The following TRPM3 variants were observed in gnomAD, a reference collection of about 807,000 sequenced individuals.
TRPM3 encodes the protein transient receptor potential cation channel subfamily M member 3.
TRPM3 carries 77 observed loss-of-function variants against 181.2 expected under a neutral mutation model. That is an observed-to-expected ratio of 0.42 (90% CI 0.35 to 0.51). The LOEUF (loss-of-function observed/expected upper bound fraction) is 0.51. Ranked by LOEUF, TRPM3 falls within the 20% of genes least tolerant of loss-of-function variation. TRPM3 has a pLI of 0.01. For missense variants in TRPM3, 1,759 were observed against 2,196.7 expected (o/e 0.80, Z 3.98); for synonymous variants, 745 against 796.4 (o/e 0.94, Z 1.09).
At chr9:71,164,733 G>A (rs530791636) in intron 1 of TRPM3, among the ~76,000 whole-genome samples, 12 of 152,234 alleles carry the variant, frequency 7.9e-5, no homozygotes, top group African/African-American at 2.6e-4. Flanking sequence ...GATAGTATTT[G>A]AGATTACATA....
At chr9:70,627,473 A>G (rs933824147) in intron 12 of TRPM3, among the ~76,000 whole-genome samples, 4 of 151,954 alleles carry the variant, frequency 2.6e-5, no homozygotes, top group Admixed American at 6.6e-5. Flanking sequence ...GGGTTTTGCC[A>G]TGTTGGCCAG....
chr9:71,180,532 C>G (rs555840183), intron 1 of TRPM3, among the ~76,000 whole-genome samples: 1 of 152,088 alleles, frequency 6.6e-6, no homozygotes, highest in South Asian at 2.1e-4. Context: ...CATGGGAACC[C>G]AAAACAAACA....
rs150956683 is a variant in TRPM3 at position 70,923,607 on chromosome 9, T to C, written c.178-59096A>G. 2.5e-3 allele frequency among the ~76,000 whole-genome samples: 384 copies of C among 152,186 alleles called. 1 individual carries two copies. The highest frequency in any genetic ancestry group is 9.0e-3 in the African/African-American group (372 of 41,538). On this transcript the variant is annotated intron_variant, in intron 1 of 25. Transcript: ENST00000677713. ...TGCCTAGATTCCTAAGGGTCATGTG[T>C]CAGAAAATCTTTGTATTTCCTATGA...
At position 70,534,667 on chromosome 9, in the gene TRPM3, G is replaced by C. The variant is rs1051205282; in HGVS notation, c.*1286C>G. ...TGGTATGCTTGCAACTGATGGCTTTGGGTTGATACCAAACTCCCAGTCAAA... is the reference window on the plus strand; with the variant it reads ...TGGTATGCTTGCAACTGATGGCTTTCGGTTGATACCAAACTCCCAGTCAAA... On this transcript the variant is annotated 3_prime_UTR_variant, in exon 26 of 26. Coordinates refer to ENST00000677713, the MANE Select transcript of TRPM3 (RefSeq NM_001366145.2). 4.6e-5 allele frequency: 7 copies of C among 152,022 alleles called. No homozygotes were observed. Among genetic ancestry groups the C allele is most frequent in the Non-Finnish European group, 8.8e-5 (6 of 68,006 alleles). The allele number at this position is 152,022 out of a possible 1,614,324, so 9.4% of individuals were successfully genotyped here.
intron 1 of TRPM3, among the ~76,000 whole-genome samples, chr9:70,966,996 C>T (rs2133878016): frequency 6.7e-6 from 1 of 149,920 alleles, no homozygotes; most frequent in Admixed American, 6.7e-5. Context: ...TAATTGTGAA[C>T]TTAGAATTGG....
intron 1 of TRPM3, among the ~76,000 whole-genome samples, chr9:71,186,851 T>C (rs2077710778): frequency 6.6e-6 from 1 of 152,052 alleles, no homozygotes; most frequent in Admixed American, 6.6e-5. Context: ...GCAAAAAGTC[T>C]CTCGTTATGT....
At chr9:70,754,396 G>T (rs2076705783) in intron 8 of TRPM3, among the ~76,000 whole-genome samples, 1 of 152,114 alleles carries the variant, frequency 6.6e-6, no homozygotes. Context: ...AACAATGATA[G>T]AACTTAGGTT....
At chr9:70,561,574 T>TTA (rs2049093611) in intron 22 of TRPM3, among the ~76,000 whole-genome samples, 1 of 152,194 alleles carries the variant, frequency 6.6e-6, no homozygotes, top group African/African-American at 2.4e-5. Flanking sequence ...AAGCCCAACT[T>TTA]TCTAGAGTCA....
intron 1 of TRPM3, among the ~76,000 whole-genome samples, chr9:71,185,991 G>A (rs1374720352): frequency 6.6e-6 from 1 of 152,038 alleles, no homozygotes; most frequent in Non-Finnish European, 1.5e-5. Flanking sequence ...GAAACTGATA[G>A]GGGAATCCTT....
intron 1 of TRPM3, among the ~76,000 whole-genome samples, chr9:71,412,980 G>C (rs910623549): frequency 6.6e-6 from 1 of 151,654 alleles, no homozygotes; most frequent in Non-Finnish European, 1.5e-5. Context: ...CCATCATTCT[G>C]AGCAAACTAT....
Position 70,755,133 on chromosome 9 carries a change from C to T in TRPM3, c.1272+6468G>A, listed in dbSNP as rs145794895. Among the ~76,000 whole-genome samples, 291 of 152,164 alleles carry T rather than the reference C, an allele frequency of 1.9e-3. 1 individual carries two copies. The highest frequency in any genetic ancestry group is 6.6e-3 in the African/African-American group (273 of 41,522). On this transcript the variant is annotated intron_variant, in intron 8 of 25. Transcript: ENST00000677713. ...GATAAATTGTTGCTTCTTAAGAACA[C>T]ACAGGCCAACATTCAAATTTAGGAA...
At chr9:71,421,609 A>C (rs934410527) in intron 1 of TRPM3, among the ~76,000 whole-genome samples, 2 of 151,940 alleles carry the variant, frequency 1.3e-5, no homozygotes, top group Non-Finnish European at 2.9e-5. Context: ...TATGTCACTT[A>C]ATAAGAAATG....
chr9:70,664,010 G>T (rs895173229), intron 9 of TRPM3, among the ~76,000 whole-genome samples: 1 of 152,194 alleles, frequency 6.6e-6, no homozygotes, highest in African/African-American at 2.4e-5. Context: ...TCACTTTGAA[G>T]ATTAAATAGA....
At chr9:70,854,876 G>A (rs2095345639) in intron 3 of TRPM3, among the ~76,000 whole-genome samples, 1 of 152,096 alleles carries the variant, frequency 6.6e-6, no homozygotes, top group Admixed American at 6.5e-5. Context: ...TCTACTCTTA[G>A]TTACCTTGGA....
At position 70,536,690 on chromosome 9, in the gene TRPM3, C is replaced by T. The variant is rs1363781181; in HGVS notation, c.4423G>A (p.Asp1475Asn). Residue 1475 changes from aspartate to asparagine, a missense_variant, in exon 26 of 26, where the codon GAC becomes AAC. Around this residue, in one of 8 missense-constraint regions of TRPM3, gnomAD observed 612 missense variants for 590.0 expected, o/e 1.04. Transcript: ENST00000677713. Reference protein sequence around the residue: ...RPPSRSIDFEDITSMDTRSFS... With the variant: ...RPPSRSIDFENITSMDTRSFS... ...GATCTAGTGTCCATGGAGGTGATGT[C>T]CTCAAAATCAATGCTCCGGCTTGGA... 2 of 1,614,024 alleles carry T rather than the reference C, an allele frequency of 1.2e-6. No individual in the cohort carries two copies. The highest frequency in any genetic ancestry group is 1.7e-6 in the Non-Finnish European group (2 of 1,180,024).
intron 22 of TRPM3, among the ~76,000 whole-genome samples, chr9:70,573,230 C>T (rs1482154030): frequency 1.3e-5 from 2 of 152,230 alleles, no homozygotes; most frequent in South Asian, 2.1e-4. Context: ...GGCTCAAATA[C>T]AATGAGGAAC....
chr9:71,164,156 TTCA>T (rs1394359484), intron 1 of TRPM3, among the ~76,000 whole-genome samples: 4 of 152,188 alleles, frequency 2.6e-5, no homozygotes, highest in African/African-American at 9.6e-5. Flanking sequence ...CAAAAGATAA[TTCA>T]TCATGTCACC....
At chr9:70,811,663 T>C (rs897660780) in intron 6 of TRPM3, among the ~76,000 whole-genome samples, 20 of 152,204 alleles carry the variant, frequency 1.3e-4, no homozygotes, top group African/African-American at 3.9e-4. Context: ...CAGGAGACGA[T>C]AGGAATTGAA....
chr9:71,011,808 T>A (rs2097745861), intron 1 of TRPM3, among the ~76,000 whole-genome samples: 1 of 145,882 alleles, frequency 6.9e-6, no homozygotes, highest in Admixed American at 6.9e-5. Context: ...TCAGACAGTA[T>A]CTTGTTCCTG....
Sources: allele counts gnomAD v4.1 joint callset (sites outside exome capture counted in the v4.1 genomes callset), GRCh38; gene constraint gnomAD v4.1.1; regional missense constraint gnomAD v4.1.1; transcripts MANE v1.5; gene names NCBI Gene and HGNC (gene_info 2026-07-23, HGNC 2026-07-21).